The following ZMYM4 variants were observed in gnomAD, a reference collection of about 807,000 sequenced individuals.
ZMYM4 encodes zinc finger MYM-type protein 4.
Under a neutral mutation model 183.2 loss-of-function variants are expected in ZMYM4, and 31 were observed. The observed-to-expected ratio is 0.17, with a 90% CI of 0.13 to 0.23. The LOEUF (loss-of-function observed/expected upper bound fraction) is 0.23. Among genes scored for constraint, ZMYM4 ranks in the 10% least tolerant of loss-of-function variants. The pLI is 1.00. For synonymous variants in ZMYM4, 592 were observed against 631.2 expected (o/e 0.94, Z 0.93); for missense variants, 1,273 against 1,840.3 (o/e 0.69, Z 5.64).
chr1:35,365,445 G>T (rs1570445757), intron 5 of ZMYM4, among the ~76,000 whole-genome samples: 1 of 151,658 alleles, frequency 6.6e-6, no homozygotes, highest in East Asian at 1.9e-4. Flanking sequence ...TTTTCTTCTT[G>T]TTCATAATAA....
intron 1 of ZMYM4, among the ~76,000 whole-genome samples, chr1:35,316,445 A>G (rs1472738850): frequency 6.6e-6 from 1 of 152,244 alleles, no homozygotes; most frequent in Non-Finnish European, 1.5e-5. Context: ...GCAATTGCAT[A>G]AAGTATAAAC....
intron 1 of ZMYM4, among the ~76,000 whole-genome samples, chr1:35,322,200 C>G (rs998007628): frequency 3.9e-4 from 60 of 151,978 alleles, no homozygotes; most frequent in Admixed American, 1.4e-3. Context: ...TGTTTATGTT[C>G]TTTGATCACT....
chr1:35,362,352 AG>A, intron 5 of ZMYM4, among the ~76,000 whole-genome samples: 1 of 152,330 alleles, frequency 6.6e-6, no homozygotes, highest in South Asian at 2.1e-4. Flanking sequence ...TGCTATTTCA[AG>A]GTTGCTCTGG....
intron 1 of ZMYM4, among the ~76,000 whole-genome samples, chr1:35,303,101 AAAAAAAAC>A (rs1641364630): frequency 6.6e-6 from 1 of 151,434 alleles, no homozygotes; most frequent in Non-Finnish European, 1.5e-5. Context: ...CTGGCAAAAA[AAAAAAAAC>A]AAAAAAACCT....
intron 1 of ZMYM4, among the ~76,000 whole-genome samples, chr1:35,277,461 G>A (rs1639931477): frequency 6.6e-6 from 1 of 152,090 alleles, no homozygotes; most frequent in Admixed American, 6.5e-5. Context: ...CCATTAGATG[G>A]GGCTGTGAAT....
rs1426061870 is a variant in ZMYM4 at position 35,323,566 on chromosome 1, CAG to C, written c.40-1791_40-1790del. Among the ~76,000 whole-genome samples, 14 of 150,074 alleles carry C rather than the reference CAG, an allele frequency of 9.3e-5. 2 individuals are homozygous for C. Among genetic ancestry groups the C allele is most frequent in the African/African-American group, 2.7e-4 (11 of 40,838 alleles). ...TTTTTTTGGTGTTTTTTTTTTGAGA[CAG>C]AGTCTCGCTCTGTCGCCCAGGCTGG... On this transcript the variant is annotated intron_variant, in intron 1 of 29. Transcript: ENST00000314607.
chr1:35,380,148 A>G (rs571224538), intron 7 of ZMYM4, among the ~76,000 whole-genome samples: 2 of 152,326 alleles, frequency 1.3e-5, no homozygotes, highest in Admixed American at 6.5e-5. Context: ...AGGTATGCCT[A>G]TAATCTTTTC....
In ZMYM4 at chr1:35,359,357, G is replaced by T; in HGVS notation, c.518G>T (p.Arg173Ile). 1 of 1,608,172 alleles carries T rather than the reference G, an allele frequency of 6.2e-7. No homozygotes were observed. Among genetic ancestry groups the T allele is most frequent in the South Asian group, 1.1e-5 (1 of 89,122 alleles). Residue 173 changes from arginine (R) to isoleucine (I), a missense_variant, in exon 3 of 30, where the codon AGA becomes ATA. Around this residue, in one of 6 missense-constraint regions of ZMYM4, gnomAD observed 384 missense variants for 465.6 expected, o/e 0.82. Transcript: ENST00000314607. ...ACATTTTCTGGAAAGGAGAAAAATA[G>T]AGACCTAACTTATGAACGTGAAAAA... ...KETFSGKEKN[R>I]DLTYEREKRL...
At chr1:35,376,689 A>C (rs1186080714) in intron 7 of ZMYM4, among the ~76,000 whole-genome samples, 1 of 151,418 alleles carries the variant, frequency 6.6e-6, no homozygotes, top group Non-Finnish European at 1.5e-5. Context: ...ATGCCCAGCT[A>C]ATTTTTTTGT....
At position 35,303,408 on chromosome 1, in the gene ZMYM4, T is replaced by TTTTG. The variant is rs543398822; in HGVS notation, c.40-21932_40-21929dup. ...ATTCCTGATATTGGCAATTTGTGTT[T>TTTTG]TTTGTTTGTTTGTTTGTTTGTTTTT... On this transcript the variant is annotated intron_variant, in intron 1 of 29. Coordinates refer to ENST00000314607, the MANE Select transcript of ZMYM4 (RefSeq NM_005095.3). Among the ~76,000 whole-genome samples the TTTTG allele has an allele frequency of 7.4e-4, 112 of 152,208 alleles. No homozygotes were observed. The Middle Eastern group carries it at 0.01, about 14-fold the overall frequency.
At chr1:35,400,194 T>C (rs888184417) in intron 23 of ZMYM4, 5 of 141,068 alleles carry the variant, frequency 3.5e-5, no homozygotes, top group African/African-American at 1.4e-4. Flanking sequence ...ACTGAGTAGT[T>C]CACTATTTTT....
rs1327029946 is a variant in ZMYM4, at chr1:35,395,726, C to T, written c.2912-826C>T. On this transcript the variant is annotated intron_variant, in intron 18 of 29. Coordinates refer to ENST00000314607, the MANE Select transcript of ZMYM4 (RefSeq NM_005095.3). ...ACATGCCCAGAACATTTACATTAGC[C>T]TACAGTTGGGCAAAGTCATCTAACA... Among the ~76,000 whole-genome samples the T allele has an allele frequency of 2.0e-5, 3 of 152,162 alleles. No homozygotes were observed. In the South Asian group the frequency reaches 6.2e-4, roughly 32 times the overall value.
intron 1 of ZMYM4, among the ~76,000 whole-genome samples, chr1:35,282,774 T>C (rs903036290): frequency 2.0e-5 from 3 of 152,142 alleles, no homozygotes; most frequent in Non-Finnish European, 4.4e-5. Context: ...AAGGCTGGTC[T>C]TGAACTCCTG....
At chr1:35,307,857 C>A (rs1641610919) in intron 1 of ZMYM4, among the ~76,000 whole-genome samples, 1 of 146,312 alleles carries the variant, frequency 6.8e-6, no homozygotes, top group African/African-American at 2.5e-5. Context: ...GAGACGAAGT[C>A]TTACTTCTGT....
At chr1:35,378,881 T>C (rs534011016) in intron 7 of ZMYM4, among the ~76,000 whole-genome samples, 1 of 152,342 alleles carries the variant, frequency 6.6e-6, no homozygotes, top group Admixed American at 6.5e-5. Flanking sequence ...CCTTGTACTT[T>C]GATGTTCCAG....
intron 1 of ZMYM4, among the ~76,000 whole-genome samples, chr1:35,289,449 A>G (rs1640654435): frequency 6.6e-6 from 1 of 152,172 alleles, no homozygotes; most frequent in South Asian, 2.1e-4. Flanking sequence ...TTAGTGCTAG[A>G]TAGTTGGTGG....
At position 35,405,378 on chromosome 1, in the gene ZMYM4, G is replaced by A; in HGVS notation, c.3706G>A (p.Glu1236Lys). 2 of 1,606,510 alleles carry A rather than the reference G, an allele frequency of 1.2e-6. No homozygotes were observed. Among genetic ancestry groups the A allele is most frequent in the East Asian group, 2.2e-5 (1 of 44,848 alleles). ...TATGTTTCTCTCCTTGTCAGGGGTT[G>A]AACAGGCCTCATCTAGCCCACGTTC... ...EQGDLKCGGV[E>K]QASSSPRSDP... is the part of the protein sequence containing the mutation. Residue 1236 changes from glutamate to lysine, a missense_variant, in exon 25 of 30, where the codon GAA becomes AAA. Physicochemically the swap from Glu to Lys is moderately conservative, Grantham distance 56 (BLOSUM62 1). This residue lies in a region of ZMYM4 where 133 missense variants were observed against 155.7 expected (regional missense o/e 0.85). Coordinates refer to ENST00000314607, the MANE Select transcript of ZMYM4 (RefSeq NM_005095.3).
intron 2 of ZMYM4, among the ~76,000 whole-genome samples, chr1:35,329,179 C>T (rs1313516550): frequency 1.3e-5 from 2 of 152,204 alleles, no homozygotes; most frequent in Non-Finnish European, 2.9e-5. Flanking sequence ...AATTGACTTT[C>T]CAAAGATACA....
chr1:35,400,696 A>G (rs537024271), intron 23 of ZMYM4, among the ~76,000 whole-genome samples: 1 of 152,196 alleles, frequency 6.6e-6, no homozygotes, highest in African/African-American at 2.4e-5. Context: ...TGTATATGTT[A>G]TGTAATTCCC....
Sources: gnomAD v4.1 joint callset for allele counts (sites outside exome capture counted in the v4.1 genomes callset) on GRCh38, gnomAD v4.1.1 for gene constraint, gnomAD v4.1.1 regional missense constraint, MANE v1.5 for transcripts, NCBI Gene and HGNC (gene_info 2026-07-23, HGNC 2026-07-21) for gene names.